TXNDC12: variants seen among roughly 807,000 people sequenced by gnomAD.
The protein encoded by TXNDC12 is thioredoxin domain containing 12.
Under a neutral mutation model 24.2 loss-of-function variants are expected in TXNDC12, and 22 were observed. That is an observed-to-expected ratio of 0.91 (90% CI 0.65 to 1.30). The LOEUF is 1.30. TXNDC12 is among the 50% of genes most tolerant of loss of function. TXNDC12 has a pLI of 0.00. For missense variants in TXNDC12, 184 were observed against 205.8 expected (o/e 0.89, Z 0.65); for synonymous variants, 58 against 73.4 (o/e 0.79, Z 1.07).
At chr1:52,022,518 A>C (rs1331351645) in intron 6 of TXNDC12, among the ~76,000 whole-genome samples, 1 of 150,614 alleles carries the variant, frequency 6.6e-6, no homozygotes, top group Non-Finnish European at 1.5e-5. Context: ...TACAAACTCT[A>C]TGTTGGGCTA....
In TXNDC12 at chr1:52,020,840, G is replaced by T; in HGVS notation, c.*93C>A. On this transcript the variant is annotated 3_prime_UTR_variant, in exon 7 of 7. Transcript: ENST00000371626. The stretch of plus-strand genomic sequence containing the variant: ...TAGGTAGGAATGAGGTTTCCTGGTC[G>T]GCTTAATTGTTCTAGATGATTCCTC... The T allele has an allele frequency of 9.4e-7, 1 of 1,063,552 alleles. No homozygotes were observed. The highest frequency in any genetic ancestry group is 1.4e-6 in the Non-Finnish European group (1 of 705,966). The allele number at this position is 1,063,552 out of a possible 1,614,324, so 65.9% of individuals were successfully genotyped here. A position where few individuals can be genotyped will look rare whatever the true frequency, so the allele number is the denominator to read the frequency against.
intron 1 of TXNDC12, among the ~76,000 whole-genome samples, chr1:52,043,088 C>A (rs1001796556): frequency 6.6e-6 from 1 of 152,198 alleles, no homozygotes; most frequent in Non-Finnish European, 1.5e-5. Context: ...ATGAGAGTAG[C>A]ACGCACTCTC....
chr1:52,033,204 A>G, intron 2 of TXNDC12: 1 of 1,614,168 alleles, frequency 6.2e-7, no homozygotes, highest in Non-Finnish European at 8.5e-7. Context: ...GAGTCACAAG[A>G]GCTGGAGACT....
intron 1 of TXNDC12, among the ~76,000 whole-genome samples, chr1:52,046,430 G>C (rs941599090): frequency 5.3e-5 from 8 of 152,084 alleles, no homozygotes; most frequent in Admixed American, 3.9e-4. Flanking sequence ...TGGGATATGA[G>C]AGCAAAAAGA....
intron 1 of TXNDC12, among the ~76,000 whole-genome samples, chr1:52,050,598 A>G (rs1418756671): frequency 2.6e-5 from 4 of 152,218 alleles, no homozygotes; most frequent in Admixed American, 2.6e-4. Context: ...GTCAAGCATC[A>G]GAGCTGGCAG....
chr1:52,020,719 G>A lies in TXNDC12; in HGVS notation c.*214C>T, dbSNP rs1027045622. 4.0e-6 allele frequency: 2 copies of A among 501,964 alleles called. No individual in the cohort carries two copies. Among genetic ancestry groups the A allele is most frequent in the African/African-American group, 3.9e-5 (2 of 51,438 alleles). 31.1% of individuals were successfully genotyped at this position (501,964 alleles called of 1,614,324 possible). ...GTTGACATTTAGGTGAGAGGGAAAA[G>A]GAGAAGAAAGTCTGCCACTCTCCGC... On this transcript the variant is annotated 3_prime_UTR_variant, in exon 7 of 7. Coordinates refer to ENST00000371626, the MANE Select transcript of TXNDC12 (RefSeq NM_015913.4).
chr1:52,033,342 C>G, intron 2 of TXNDC12: 2 of 1,613,844 alleles, frequency 1.2e-6, no homozygotes, highest in Non-Finnish European at 1.7e-6. Flanking sequence ...CTCTCCCGTC[C>G]TCCTCAGCGC....
chr1:52,023,363 C>CA, intron 6 of TXNDC12, 128 bp downstream of exon 6: 1 of 719,768 alleles, frequency 1.4e-6, no homozygotes, highest in South Asian at 1.7e-5. Context: ...AGGATCTGGC[C>CA]AAAAGCTATA....
At chr1:52,047,378 G>A (rs1686116104) in intron 1 of TXNDC12, among the ~76,000 whole-genome samples, 2 of 152,146 alleles carry the variant, frequency 1.3e-5, no homozygotes, top group African/African-American at 4.8e-5. Flanking sequence ...GACTATGGAA[G>A]AAGTATTGGA....
chr1:52,037,458 G>A (rs1010176056), intron 2 of TXNDC12, among the ~76,000 whole-genome samples: 5 of 151,952 alleles, frequency 3.3e-5, no homozygotes, highest in South Asian at 2.1e-4. Context: ...GTGATCCCCC[G>A]ACCTCGGCCT....
chr1:52,043,729 C>T (rs145500728), intron 1 of TXNDC12, among the ~76,000 whole-genome samples: 3 of 152,340 alleles, frequency 2.0e-5, no homozygotes, highest in East Asian at 1.9e-4. Context: ...AGAGAAGTTA[C>T]ATCACCTGTA....
rs760843278 is a variant in TXNDC12, at chr1:52,055,052, G to A, written c.45C>T (p.Phe15=). ...PRLGATCLLG[F]SFLLLVISSD... ...AAGAGATGACGAGGAGCAGGAAACTGAAGCCCAGCAAACAGGTGGCCCCGA... is the reference window on the plus strand; with the variant it reads ...AAGAGATGACGAGGAGCAGGAAACTAAAGCCCAGCAAACAGGTGGCCCCGA... Residue 15 remains phenylalanine, a synonymous_variant, in exon 1 of 7, where the codon TTC becomes TTT. Transcript: ENST00000371626. 1.2e-6 allele frequency: 2 copies of A among 1,614,094 alleles called. No individual in the cohort carries two copies.
intron 2 of TXNDC12, chr1:52,030,630 C>G (rs1685737624): frequency 6.6e-6 from 1 of 152,230 alleles, no homozygotes; most frequent in Non-Finnish European, 1.5e-5. Context: ...CATCTACCCT[C>G]TCTTTTAACA....
intron 2 of TXNDC12, among the ~76,000 whole-genome samples, chr1:52,038,641 A>C (rs1268855062): frequency 1.3e-5 from 2 of 152,120 alleles, no homozygotes; most frequent in Admixed American, 1.3e-4. Context: ...ACCTCTTTCT[A>C]AAATCAGCAA....
At position 52,055,144 on chromosome 1, in the gene TXNDC12, G is replaced by A. The variant is rs1686312948; in HGVS notation, c.-48C>T. On this transcript the variant is annotated 5_prime_UTR_variant, in exon 1 of 7. Transcript: ENST00000371626. ...GGGGCTGAGCGGACGCAGGGCCGGA[G>A]TCCCAGCAGACGGTCCACACAGTTC... The A allele has an allele frequency of 7.4e-7, 1 of 1,348,734 alleles. No individual in the cohort carries two copies. The highest frequency in any genetic ancestry group is 1.1e-6 in the Non-Finnish European group (1 of 940,044). The allele number at this position is 1,348,734 out of a possible 1,614,324, so 83.5% of individuals were successfully genotyped here.
chr1:52,024,395 G>T (rs113058989), intron 5 of TXNDC12, 115 bp downstream of exon 5: 349 of 802,754 alleles, frequency 4.3e-4, no homozygotes, highest in Non-Finnish European at 6.6e-4. Context: ...CTTGAAACTG[G>T]TTTTTATTTG....
In TXNDC12 at chr1:52,020,287, TC is replaced by T; in HGVS notation, c.*645del. 1 of 373,388 alleles carries T rather than the reference TC, an allele frequency of 2.7e-6. No homozygotes were observed. Among genetic ancestry groups the T allele is most frequent in the Non-Finnish European group, 5.3e-6 (1 of 189,950 alleles). 23.1% of individuals were successfully genotyped at this position (373,388 alleles called of 1,614,324 possible). Reference sequence around the variant, plus strand: ...CAACAGTAACAAGGGAAAGCATGCTTCCACCTGGAGCCGAGTCCAAGCACAC... The same window carrying T: ...CAACAGTAACAAGGGAAAGCATGCTTCACCTGGAGCCGAGTCCAAGCACAC... On this transcript the variant is annotated 3_prime_UTR_variant, in exon 7 of 7. Transcript: ENST00000371626.
intron 1 of TXNDC12, among the ~76,000 whole-genome samples, chr1:52,045,202 C>G (rs1180984090): frequency 1.3e-5 from 2 of 152,044 alleles, no homozygotes; most frequent in Non-Finnish European, 2.9e-5. Flanking sequence ...TTGGAAAAAG[C>G]AAAATTATGG....
chr1:52,047,307 C>T (rs1385185986), intron 1 of TXNDC12, among the ~76,000 whole-genome samples: 1 of 151,976 alleles, frequency 6.6e-6, no homozygotes, highest in Non-Finnish European at 1.5e-5. Context: ...TTTTGAAAGG[C>T]CTCTTCCGAT....
Sources: allele counts gnomAD v4.1 joint callset (sites outside exome capture counted in the v4.1 genomes callset), GRCh38; gene constraint gnomAD v4.1.1; transcripts MANE v1.5; gene names NCBI Gene and HGNC (gene_info 2026-07-23, HGNC 2026-07-21).